Variants in TMPRSS11D observed in about 807,000 individuals in gnomAD.
TMPRSS11D encodes the protein transmembrane protease serine 11D.
A neutral mutation model predicts 44.4 loss-of-function variants in TMPRSS11D; 32 were observed. The ratio of observed to expected loss-of-function variants is 0.72; its 90% CI spans 0.54 to 0.97. The LOEUF (loss-of-function observed/expected upper bound fraction) is 0.97. Ranked by LOEUF, TMPRSS11D falls within the 50% of genes least tolerant of loss-of-function variation. TMPRSS11D has a pLI of 0.00. For missense variants in TMPRSS11D, 446 were observed against 502.6 expected, an observed-to-expected ratio of 0.89 and a Z score of 1.08; for synonymous variants, 179 against 177.9, an observed-to-expected ratio of 1.01 and a Z score of -0.05.
intron 1 of TMPRSS11D, among the ~76,000 whole-genome samples, chr4:67,879,470 TC>T (rs1719270260): frequency 2.6e-5 from 1 of 37,978 alleles, no homozygotes; most frequent in Non-Finnish European, 4.8e-5. Flanking sequence ...AGACTCCTTC[TC>T]AAAAAAAAAA....
intron 1 of TMPRSS11D, among the ~76,000 whole-genome samples, chr4:67,877,876 A>T (rs1160029758): frequency 1.3e-5 from 2 of 152,206 alleles, no homozygotes; most frequent in Non-Finnish European, 2.9e-5. Context: ...TCATCAAAAG[A>T]TATCTCCTTT....
At chr4:67,849,419 T>A (rs1718440459) in intron 3 of TMPRSS11D, among the ~76,000 whole-genome samples, 1 of 152,158 alleles carries the variant, frequency 6.6e-6, no homozygotes, top group Admixed American at 6.6e-5. Flanking sequence ...TATGGGATCA[T>A]CTAGACAGAA....
At chr4:67,874,011 G>GTGGTC (rs1719119721) in intron 1 of TMPRSS11D, among the ~76,000 whole-genome samples, 1 of 152,150 alleles carries the variant, frequency 6.6e-6, no homozygotes, top group Non-Finnish European at 1.5e-5. Flanking sequence ...ATGTATGACA[G>GTGGTC]TGGTCCCATA....
At chr4:67,846,058 A>G (rs1170185882) in intron 3 of TMPRSS11D, among the ~76,000 whole-genome samples, 2 of 152,192 alleles carry the variant, frequency 1.3e-5, no homozygotes. Context: ...TAATAGAAGT[A>G]ATGCTTTTGT....
chr4:67,843,901 C>A (rs577305718), intron 3 of TMPRSS11D, among the ~76,000 whole-genome samples: 1 of 152,286 alleles, frequency 6.6e-6, no homozygotes, highest in South Asian at 2.1e-4. Flanking sequence ...CCAGCCTGGG[C>A]TACAGAACGA....
intron 3 of TMPRSS11D, among the ~76,000 whole-genome samples, chr4:67,852,911 A>G (rs1050589226): frequency 1.3e-5 from 2 of 152,226 alleles, no homozygotes; most frequent in African/African-American, 2.4e-5. Context: ...GCAAATATTT[A>G]TAATATAAAA....
At chr4:67,827,542 C>A in intron 7 of TMPRSS11D, 22 bp from the exon 8 acceptor site, 1 of 1,559,340 alleles carries the variant, frequency 6.4e-7, no homozygotes, top group Non-Finnish European at 8.7e-7. Context: ...TGAAAACATG[C>A]TATATGAGTA....
In TMPRSS11D at chr4:67,827,479, G is replaced by A; in HGVS notation, c.734C>T (p.Ser245Phe). The A allele has an allele frequency of 6.2e-7, 1 of 1,610,838 alleles. No individual in the cohort carries two copies. Among genetic ancestry groups the A allele is most frequent in the Non-Finnish European group, 8.5e-7 (1 of 1,178,280 alleles). Residue 245 changes from serine (S) to phenylalanine (F), a missense_variant, in exon 8 of 10, where the codon TCC becomes TTC. By Grantham distance (155) the Ser-to-Phe change is radical. Coordinates refer to ENST00000283916, the MANE Select transcript of TMPRSS11D (RefSeq NM_004262.3). ...CATTCTTAGTTTAGGAAATGTTGTG[G>A]AAATACCAGACGTGGCAATCCAGTC... ...PRDWIATSGI[S>F]TTFPKLRMRV...
intron 2 of TMPRSS11D, among the ~76,000 whole-genome samples, chr4:67,857,312 TATATATATATACACACACAC>T (rs1192646447): frequency 0.06 from 71 of 1,184 alleles, no homozygotes; most frequent in East Asian, 0.2. Flanking sequence ...TATATATATA[TATATATATATACACACACAC>T]ACACACACAC....
At chr4:67,846,722 A>T (rs1014752121) in intron 3 of TMPRSS11D, among the ~76,000 whole-genome samples, 22 of 152,198 alleles carry the variant, frequency 1.4e-4, no homozygotes, top group Non-Finnish European at 3.1e-4. Context: ...AAAATCTATT[A>T]AACATTATAG....
chr4:67,833,403 G>T, intron 6 of TMPRSS11D, 22 bp from the exon 7 acceptor site: 1 of 1,424,040 alleles, frequency 7.0e-7, no homozygotes, highest in East Asian at 2.7e-5. Context: ...GGGCATTAAT[G>T]TGCTGGGAAG....
rs1718829604 is a variant in TMPRSS11D, at chr4:67,863,016, T to G, written c.9-3338A>C. On this transcript the variant is annotated intron_variant, in intron 1 of 9. Transcript: ENST00000283916. ...CACATGCATACATATGTAACAAAGCTGCACGTTACCCTAGAACTTAAAGTA... is the reference window on the plus strand; with the variant it reads ...CACATGCATACATATGTAACAAAGCGGCACGTTACCCTAGAACTTAAAGTA... 3.3e-5 allele frequency among the ~76,000 whole-genome samples: 5 copies of G among 151,146 alleles called. No homozygotes were observed. In the South Asian group the frequency reaches 1.0e-3, roughly 32 times the overall value.
chr4:67,865,060 A>G (rs1718888395), intron 1 of TMPRSS11D, among the ~76,000 whole-genome samples: 2 of 151,930 alleles, frequency 1.3e-5, no homozygotes, highest in South Asian at 4.1e-4. Flanking sequence ...ACTATCACAG[A>G]ATATACATTT....
intron 3 of TMPRSS11D, among the ~76,000 whole-genome samples, chr4:67,846,062 C>T (rs773714694): frequency 6.6e-6 from 1 of 152,058 alleles, no homozygotes; most frequent in Non-Finnish European, 1.5e-5. Context: ...AGAAGTAATG[C>T]TTTTGTCATT....
intron 4 of TMPRSS11D, among the ~76,000 whole-genome samples, chr4:67,842,312 A>C (rs1175888449): frequency 6.6e-6 from 1 of 152,110 alleles, no homozygotes; most frequent in South Asian, 2.1e-4. Flanking sequence ...CCTTCACCCC[A>C]ACTCTCTCTC....
chr4:67,842,608 T>C lies in TMPRSS11D; in HGVS notation c.267A>G (p.Lys89=). The change falls in exon 4 of 10, where the codon AAA becomes AAG. Residue 89 remains lysine, a synonymous_variant. Coordinates refer to ENST00000283916, the MANE Select transcript of TMPRSS11D (RefSeq NM_004262.3). Reference sequence around the variant, plus strand: ...TGAACTGATTTCTTAAATTTGATTCTTTGAATGTTTTAGTAATCTGTAGAA... The same window carrying C: ...TGAACTGATTTCTTAAATTTGATTCCTTGAATGTTTTAGTAATCTGTAGAA... ...RIESLITKTF[K]ESNLRNQFIR... 1 of 1,606,508 alleles carries C rather than the reference T, an allele frequency of 6.2e-7. No homozygotes were observed. Among genetic ancestry groups the C allele is most frequent in the South Asian group, 1.1e-5 (1 of 88,732 alleles).
At chr4:67,847,874 G>A (rs2109678026) in intron 3 of TMPRSS11D, among the ~76,000 whole-genome samples, 1 of 152,262 alleles carries the variant, frequency 6.6e-6, no homozygotes, top group East Asian at 1.9e-4. Flanking sequence ...GGAGATGACT[G>A]TGAACTCCAC....
At chr4:67,860,898 A>G (rs1229117302) in intron 1 of TMPRSS11D, among the ~76,000 whole-genome samples, 1 of 152,058 alleles carries the variant, frequency 6.6e-6, no homozygotes, top group Admixed American at 6.6e-5. Flanking sequence ...ACAAGCCTAT[A>G]ATAGGGCACT....
At chr4:67,872,547 A>G (rs1719083683) in intron 1 of TMPRSS11D, among the ~76,000 whole-genome samples, 1 of 152,204 alleles carries the variant, frequency 6.6e-6, no homozygotes. Context: ...ACATCTCTGT[A>G]CATATACTAG....
Sources: gnomAD v4.1 joint callset for allele counts (sites outside exome capture counted in the v4.1 genomes callset) on GRCh38, gnomAD v4.1.1 for gene constraint, MANE v1.5 for transcripts, NCBI Gene and HGNC (gene_info 2026-07-23, HGNC 2026-07-21) for gene names.